Variants in LIN52 observed in about 807,000 individuals in gnomAD.
LIN52 encodes the protein protein lin-52 homolog.
Under a neutral mutation model 18.5 loss-of-function variants are expected in LIN52, and 4 were observed. The observed-to-expected ratio is 0.22, with a 90% CI of 0.11 to 0.49. The LOEUF (loss-of-function observed/expected upper bound fraction) is 0.49, where lower values mean the gene tolerates loss of function less well. Ranked by LOEUF, LIN52 falls within the 20% of genes least tolerant of loss-of-function variation. The probability of loss-of-function intolerance (pLI) is 0.97; values close to 1 mark genes in which losing one functional copy is unlikely to be tolerated. For missense variants in LIN52, 102 were observed against 139.5 expected (o/e 0.73, Z 1.35); for synonymous variants, 34 against 45.5 (o/e 0.75, Z 1.02).
intron 5 of LIN52, among the ~76,000 whole-genome samples, chr14:74,154,120 G>T (rs1365911454): frequency 4.1e-5 from 6 of 144,726 alleles, no homozygotes; most frequent in African/African-American, 1.3e-4. Flanking sequence ...TTTCCTTAAT[G>T]TTTTTTTTTT....
intron 1 of LIN52, among the ~76,000 whole-genome samples, chr14:74,090,996 AT>A (rs1346094310): frequency 6.6e-6 from 1 of 152,202 alleles, no homozygotes; most frequent in Admixed American, 6.5e-5. Flanking sequence ...ATTGATACTC[AT>A]TTTTCTTAAC....
chr14:74,165,183 T>G lies in LIN52; in HGVS notation c.284-33739T>G, dbSNP rs2061242880. 2.0e-5 allele frequency among the ~76,000 whole-genome samples: 3 copies of G among 152,132 alleles called. 1 individual carries two copies. The highest frequency in any genetic ancestry group is 7.2e-5 in the African/African-American group (3 of 41,414). On this transcript the variant is annotated intron_variant, in intron 5 of 5. Coordinates refer to ENST00000555028, the MANE Select transcript of LIN52 (RefSeq NM_001024674.3). ...TAATCATAATAATGTAGAAACTGAA[T>G]GTTAATTTAAGTTACCATGTATAAC...
chr14:74,182,075 A>G (rs922331411), intron 5 of LIN52, among the ~76,000 whole-genome samples: 1 of 152,188 alleles, frequency 6.6e-6, no homozygotes, highest in African/African-American at 2.4e-5. Flanking sequence ...CTGTGGCGCA[A>G]TCTCGGCTCA....
At chr14:74,145,510 A>G (rs1176423353) in intron 5 of LIN52, among the ~76,000 whole-genome samples, 2 of 152,200 alleles carry the variant, frequency 1.3e-5, no homozygotes, top group Non-Finnish European at 2.9e-5. Context: ...TCAAGGATGT[A>G]CCTCTTCTAA....
chr14:74,197,310 C>T (rs1052342907), intron 5 of LIN52, among the ~76,000 whole-genome samples: 1 of 152,132 alleles, frequency 6.6e-6, no homozygotes, highest in Non-Finnish European at 1.5e-5. Context: ...CTTCGCAGTG[C>T]AGCAGAGCAA....
intron 5 of LIN52, among the ~76,000 whole-genome samples, chr14:74,107,660 G>C (rs1467464875): frequency 1.3e-5 from 2 of 151,954 alleles, no homozygotes; most frequent in Non-Finnish European, 2.9e-5. Flanking sequence ...TACTTTTTCA[G>C]CCCATAGCCC....
chr14:74,147,503 G>A (rs1318921927), intron 5 of LIN52, among the ~76,000 whole-genome samples: 1 of 152,148 alleles, frequency 6.6e-6, no homozygotes, highest in Non-Finnish European at 1.5e-5. Flanking sequence ...AAGTACTTGG[G>A]TAGGACAGGT....
intron 5 of LIN52, among the ~76,000 whole-genome samples, chr14:74,108,628 A>C (rs2060910733): frequency 6.6e-6 from 1 of 152,014 alleles, no homozygotes; most frequent in Non-Finnish European, 1.5e-5. Context: ...TTGGATTTGC[A>C]TTTGTCTAGT....
chr14:74,135,070 G>A (rs1215376873), intron 5 of LIN52, among the ~76,000 whole-genome samples: 1 of 152,032 alleles, frequency 6.6e-6, no homozygotes, highest in Non-Finnish European at 1.5e-5. Context: ...TGTTGTTGTT[G>A]TCGTTGTTGT....
intron 5 of LIN52, among the ~76,000 whole-genome samples, chr14:74,126,139 G>A (rs2061028978): frequency 6.6e-6 from 1 of 151,838 alleles, no homozygotes; most frequent in Admixed American, 6.6e-5. Flanking sequence ...AACATCATTA[G>A]TCGTTAGGGA....
At chr14:74,094,916 C>T (rs776037782) in intron 2 of LIN52, among the ~76,000 whole-genome samples, 1 of 151,648 alleles carries the variant, frequency 6.6e-6, no homozygotes, top group East Asian at 1.9e-4. Flanking sequence ...TTAGTAGAGA[C>T]GGGGTTTCAC....
At chr14:74,130,617 C>CG (rs1465514131) in intron 5 of LIN52, among the ~76,000 whole-genome samples, 2 of 89,524 alleles carry the variant, frequency 2.2e-5, no homozygotes, top group African/African-American at 8.8e-5. Context: ...TTTTTTGAGA[C>CG]GGAGTCTCAC....
chr14:74,097,403 A>G (rs1253505516), intron 3 of LIN52, among the ~76,000 whole-genome samples: 1 of 150,436 alleles, frequency 6.6e-6, no homozygotes, highest in Non-Finnish European at 1.5e-5. Context: ...AGGCTATGTG[A>G]CAAGCTGCAT....
intron 5 of LIN52, among the ~76,000 whole-genome samples, chr14:74,121,542 CAAATAGTTAAAGA>C (rs987689663): frequency 6.6e-6 from 1 of 152,046 alleles, no homozygotes; most frequent in Non-Finnish European, 1.5e-5. Flanking sequence ...AGTTAGTTAG[CAAATAGTTAAAGA>C]AAATAGTTAA....
At chr14:74,098,364 C>T (rs1163187873) in intron 4 of LIN52, among the ~76,000 whole-genome samples, 3 of 151,806 alleles carry the variant, frequency 2.0e-5, no homozygotes, top group Non-Finnish European at 4.4e-5. Context: ...ACTAAAAATA[C>T]AAAAATCAAC....
chr14:74,090,843 T>C (rs1188926424), intron 1 of LIN52, among the ~76,000 whole-genome samples: 3 of 152,192 alleles, frequency 2.0e-5, no homozygotes, highest in African/African-American at 7.2e-5. Context: ...AGAAAGATGA[T>C]ATGCAAATGA....
intron 5 of LIN52, among the ~76,000 whole-genome samples, chr14:74,120,487 G>A (rs2060992720): frequency 6.6e-6 from 1 of 151,994 alleles, no homozygotes; most frequent in Non-Finnish European, 1.5e-5. Context: ...AGGCGTGGTA[G>A]CTCACACCTG....
chr14:74,182,036 G>A (rs2061320465), intron 5 of LIN52, among the ~76,000 whole-genome samples: 2 of 152,148 alleles, frequency 1.3e-5, no homozygotes, highest in African/African-American at 4.8e-5. Context: ...TTTGAGACAA[G>A]GTCTCACTCT....
At chr14:74,131,420 G>T (rs1438049931) in intron 5 of LIN52, among the ~76,000 whole-genome samples, 1 of 151,618 alleles carries the variant, frequency 6.6e-6, no homozygotes, top group East Asian at 1.9e-4. Flanking sequence ...CCAGGTTCAA[G>T]CGATTCTCCT....
Sources: allele counts gnomAD v4.1 joint callset (sites outside exome capture counted in the v4.1 genomes callset), GRCh38; gene constraint gnomAD v4.1.1; transcripts MANE v1.5; gene names NCBI Gene and HGNC (gene_info 2026-07-23, HGNC 2026-07-21).